The following RP1 variants were observed in gnomAD, a reference collection of about 807,000 sequenced individuals.
RP1 encodes RP1 axonemal microtubule associated, also known as oxygen-regulated protein 1.
Under a neutral mutation model 14.8 loss-of-function variants are expected in RP1, and 16 were observed. The ratio of observed to expected loss-of-function variants is 1.08; its 90% CI spans 0.73 to 1.65. The LOEUF is 1.65. RP1 is among the 40% of genes most tolerant of loss of function. The pLI is 0.00. For missense variants in RP1, 2,631 were observed against 2,535.0 expected, an observed-to-expected ratio of 1.04 and a Z score of -0.81; for synonymous variants, 876 against 883.6, an observed-to-expected ratio of 0.99 and a Z score of 0.15.
At chr8:54,660,070 AAC>A (rs1426993035) in intron 6 of RP1, among the ~76,000 whole-genome samples, 1 of 152,042 alleles carries the variant, frequency 6.6e-6, no homozygotes, top group African/African-American at 2.4e-5. Context: ...TTGTTGTTTT[AAC>A]AATTTTTTTT....
At chr8:54,633,117 A>G (rs1415832604), downstream of RP1, among the ~76,000 whole-genome samples, 1 of 152,186 alleles carries the variant, frequency 6.6e-6, no homozygotes, top group African/African-American at 2.4e-5. Context: ...CTTCAAAGAA[A>G]GCTGAATGCC....
chr8:54,794,107 A>T (rs1810528390), intron 24 of RP1, among the ~76,000 whole-genome samples: 1 of 151,930 alleles, frequency 6.6e-6, no homozygotes, highest in Non-Finnish European at 1.5e-5. Flanking sequence ...GGATCAGAAA[A>T]ATTAATATTA....
At chr8:54,663,587 C>A in intron 6 of RP1, 1 of 1,032,518 alleles carries the variant, frequency 9.7e-7, no homozygotes, top group East Asian at 2.9e-5. Context: ...TTTCTGGCAT[C>A]CACTGGGGAT....
At chr8:54,816,312 T>G (rs759567964) in intron 24 of RP1, among the ~76,000 whole-genome samples, 46 of 152,274 alleles carry the variant, frequency 3.0e-4, no homozygotes, top group South Asian at 1.7e-3. Flanking sequence ...TCTGTAAGGC[T>G]AAAAGCTCCA....
At chr8:54,695,481 GA>G (rs946667941) in intron 12 of RP1, among the ~76,000 whole-genome samples, 2 of 151,616 alleles carry the variant, frequency 1.3e-5, no homozygotes, top group Non-Finnish European at 2.9e-5. Flanking sequence ...AGTTCTTACT[GA>G]AAAAAATAAG....
chr8:54,668,638 A>G (rs1210843226), intron 7 of RP1, among the ~76,000 whole-genome samples: 1 of 152,192 alleles, frequency 6.6e-6, no homozygotes, highest in Non-Finnish European at 1.5e-5. Flanking sequence ...CTACAAGGCT[A>G]CAGTAACCAA....
chr8:54,699,950 T>C (rs1437843188), intron 13 of RP1, among the ~76,000 whole-genome samples: 1 of 152,188 alleles, frequency 6.6e-6, no homozygotes, highest in Non-Finnish European at 1.5e-5. Flanking sequence ...ATACATGTTA[T>C]TTATTTTTTA....
At chr8:54,865,861 G>A in exon 28 of RP1, 2 of 1,228,898 alleles carry the variant, frequency 1.6e-6, no homozygotes, top group Non-Finnish European at 2.0e-6. Flanking sequence ...TGGGAGTATT[G>A]TTGTTAAGTC....
At chr8:54,770,019 G>T (rs1482054104), downstream of RP1, 4 of 483,362 alleles carry the variant, frequency 8.3e-6, no homozygotes, top group Non-Finnish European at 1.1e-5. Context: ...ATCAACTTAA[G>T]GATTTGCCTC....
intron 12 of RP1, among the ~76,000 whole-genome samples, chr8:54,682,796 A>G (rs1807467879): frequency 6.6e-6 from 1 of 152,068 alleles, no homozygotes; most frequent in Non-Finnish European, 1.5e-5. Flanking sequence ...GAAGCTCTTT[A>G]GTTTAATTAG....
chr8:54,760,595 A>G (rs1486910027), intron 22 of RP1, among the ~76,000 whole-genome samples: 1 of 152,230 alleles, frequency 6.6e-6, no homozygotes, highest in Non-Finnish European at 1.5e-5. Context: ...CAAAAGCAAA[A>G]CTAAACAGAA....
In RP1 at chr8:54,672,281, C is replaced by T. The variant is rs150380850; in HGVS notation, c.1324-1569C>T. Reference sequence around the variant, plus strand: ...ACCAGTTTCTCAGGTAGCCTTCAGACAAGACAGAATTTTGGATGTATGGTC... The same window carrying T: ...ACCAGTTTCTCAGGTAGCCTTCAGATAAGACAGAATTTTGGATGTATGGTC... On this transcript the variant is annotated intron_variant, in intron 7 of 22. Transcript: ENST00000636932. 7.2e-4 allele frequency among the ~76,000 whole-genome samples: 109 copies of T among 152,224 alleles called. 2 individuals carry two copies. The Middle Eastern group carries it at 0.037, about 52-fold the overall frequency.
intron 20 of RP1, chr8:54,755,076 T>A (rs1302049849): frequency 1.1e-6 from 1 of 876,724 alleles, no homozygotes. Context: ...GTGACTTTTT[T>A]AATGTCACAG....
downstream of RP1, chr8:54,630,868 A>G: frequency 2.0e-6 from 2 of 976,580 alleles, no homozygotes; most frequent in Non-Finnish European, 2.4e-6. Flanking sequence ...TCCTCAGAAT[A>G]TCCAGTGAAA....
At chr8:54,683,035 A>G (rs1382644752) in intron 12 of RP1, among the ~76,000 whole-genome samples, 3 of 152,072 alleles carry the variant, frequency 2.0e-5, no homozygotes, top group Non-Finnish European at 4.4e-5. Context: ...AGTTTTCCCA[A>G]CACCATTTGT....
intron 17 of RP1, chr8:54,726,558 A>G: frequency 7.1e-7 from 1 of 1,413,258 alleles, no homozygotes; most frequent in South Asian, 1.5e-5. Flanking sequence ...AAGACTATTA[A>G]ATTATTTTTA....
chr8:54,831,980 G>A (rs965718318), intron 24 of RP1, among the ~76,000 whole-genome samples: 1 of 151,548 alleles, frequency 6.6e-6, no homozygotes, highest in Non-Finnish European at 1.5e-5. Flanking sequence ...ATGCTTTATC[G>A]TATTCTGGCC....
intron 25 of RP1, among the ~76,000 whole-genome samples, chr8:54,852,124 T>C (rs970634031): frequency 5.3e-5 from 8 of 152,142 alleles, no homozygotes; most frequent in East Asian, 3.9e-4. Context: ...TGTTTTTTTT[T>C]CTCCGTCAAG....
At chr8:54,729,050 T>C (rs1808728763) in intron 17 of RP1, among the ~76,000 whole-genome samples, 1 of 152,210 alleles carries the variant, frequency 6.6e-6, no homozygotes, top group Non-Finnish European at 1.5e-5. Flanking sequence ...AGAATATACA[T>C]TACTTCTGCA....
Sources: gnomAD v4.1 joint callset for allele counts (sites outside exome capture counted in the v4.1 genomes callset) on GRCh38, gnomAD v4.1.1 for gene constraint, MANE v1.5 for transcripts, NCBI Gene and HGNC (gene_info 2026-07-23, HGNC 2026-07-21) for gene names.